The following RGS6 variants were observed in gnomAD, a reference collection of about 807,000 sequenced individuals.
RGS6 encodes regulator of G protein signaling 6, also known as regulator of G-protein signaling 6.
Under a neutral mutation model 78.5 loss-of-function variants are expected in RGS6, and 30 were observed. The observed-to-expected ratio is 0.38, with a 90% confidence interval of 0.29 to 0.52. The LOEUF (loss-of-function observed/expected upper bound fraction) is 0.52, where lower values mean the gene tolerates loss of function less well. RGS6 is among the 20% of genes least tolerant of loss of function. The pLI is 0.85. For synonymous variants in RGS6, 206 were observed against 206.0 expected, an observed-to-expected ratio of 1.00 and a Z score of 0.00; for missense variants, 495 against 609.7, an observed-to-expected ratio of 0.81 and a Z score of 1.98.
intron 2 of RGS6, among the ~76,000 whole-genome samples, chr14:72,101,127 G>A (rs8003328): frequency 0.8 from 121,820 of 152,116 alleles, 49,146 homozygotes; most frequent in Admixed American, 0.84. Flanking sequence ...GCAGTGAGCC[G>A]TGATTATGCT....
At chr14:72,468,764 CTGTGTCACAGTTGAT>C (rs1415494775) in intron 7 of RGS6, among the ~76,000 whole-genome samples, 1 of 152,132 alleles carries the variant, frequency 6.6e-6, no homozygotes, top group Non-Finnish European at 1.5e-5. Context: ...TATGCTATGA[CTGTGTCACAGTTGAT>C]TGACATTTAG....
At chr14:71,979,645 C>A (rs1402133017) in intron 2 of RGS6, among the ~76,000 whole-genome samples, 1 of 152,058 alleles carries the variant, frequency 6.6e-6, no homozygotes, top group Non-Finnish European at 1.5e-5. Flanking sequence ...GTTATAATTT[C>A]TGTTCTTTTA....
chr14:72,500,379 A>T (rs1157155150), intron 13 of RGS6, among the ~76,000 whole-genome samples: 2 of 152,220 alleles, frequency 1.3e-5, no homozygotes, highest in Non-Finnish European at 2.9e-5. Flanking sequence ...TGATGTTAGG[A>T]AAAAACAGGG....
intron 2 of RGS6, among the ~76,000 whole-genome samples, chr14:72,130,581 T>C (rs1420084260): frequency 6.6e-5 from 10 of 152,120 alleles, no homozygotes; most frequent in Admixed American, 6.5e-4. Flanking sequence ...TTTCAAATGG[T>C]TTTTGAAGCT....
At chr14:72,255,612 A>G (rs944217741) in intron 2 of RGS6, among the ~76,000 whole-genome samples, 4 of 152,304 alleles carry the variant, frequency 2.6e-5, no homozygotes, top group Admixed American at 1.3e-4. Context: ...TACCTCAGGC[A>G]GGCTTAAAAT....
At chr14:72,315,898 A>AC (rs1377049678) in intron 2 of RGS6, among the ~76,000 whole-genome samples, 20 of 152,162 alleles carry the variant, frequency 1.3e-4, no homozygotes, top group Non-Finnish European at 2.1e-4. Flanking sequence ...CTCTTGTTCC[A>AC]CCCCCACTCT....
intron 2 of RGS6, among the ~76,000 whole-genome samples, chr14:72,066,827 A>G (rs1448539252): frequency 9.1e-6 from 1 of 110,092 alleles, no homozygotes; most frequent in Non-Finnish European, 1.9e-5. Context: ...TTTTTTTTGT[A>G]AAGATCACAA....
chr14:72,365,379 A>G (rs1189986380), intron 3 of RGS6, among the ~76,000 whole-genome samples: 1 of 152,222 alleles, frequency 6.6e-6, no homozygotes, highest in Non-Finnish European at 1.5e-5. Context: ...GGTGACATAG[A>G]AGGGAACCAT....
intron 3 of RGS6, among the ~76,000 whole-genome samples, chr14:72,434,076 C>T (rs1456534538): frequency 6.6e-6 from 1 of 152,248 alleles, no homozygotes; most frequent in Non-Finnish European, 1.5e-5. Context: ...TGACTGACAT[C>T]TGTCATCCCC....
At chr14:71,887,204 C>T in the RGS6 span, among the ~76,000 whole-genome samples, 3 of 152,260 alleles carry the variant, frequency 2.0e-5, no homozygotes, top group Admixed American at 1.3e-4. Context: ...TTTCTTAATC[C>T]TGTTATCTTT....
intron 2 of RGS6, among the ~76,000 whole-genome samples, chr14:71,987,046 T>C (rs2094743644): frequency 6.6e-6 from 1 of 152,200 alleles, no homozygotes; most frequent in African/African-American, 2.4e-5. Flanking sequence ...CAGAGTCTCT[T>C]TTGCCAAGTC....
intron 17 of RGS6, among the ~76,000 whole-genome samples, chr14:72,551,550 G>T (rs2097507019): frequency 6.6e-6 from 1 of 152,214 alleles, no homozygotes; most frequent in South Asian, 2.1e-4. Flanking sequence ...AAGGTGGCCT[G>T]CTCGTGTGAC....
intron 3 of RGS6, among the ~76,000 whole-genome samples, chr14:72,434,949 C>T (rs948868746): frequency 2.0e-5 from 3 of 152,168 alleles, no homozygotes; most frequent in Non-Finnish European, 4.4e-5. Context: ...TTGCTCATGA[C>T]CTGACTTTAA....
chr14:72,627,374 C>A, the RGS6 span, among the ~76,000 whole-genome samples: 3 of 152,040 alleles, frequency 2.0e-5, no homozygotes, highest in African/African-American at 7.2e-5. Flanking sequence ...CAAATGGCTA[C>A]CCCATTGTCC....
intron 17 of RGS6, among the ~76,000 whole-genome samples, chr14:72,557,569 C>G (rs2097598695): frequency 1.3e-5 from 2 of 152,144 alleles, no homozygotes; most frequent in Non-Finnish European, 2.9e-5. Flanking sequence ...CCCAACCCCA[C>G]CCCAGGCCTC....
intron 3 of RGS6, among the ~76,000 whole-genome samples, chr14:72,439,026 G>C (rs745904122): frequency 6.6e-6 from 1 of 152,160 alleles, no homozygotes; most frequent in African/African-American, 2.4e-5. Context: ...AGAGTCACAC[G>C]ACCATCTCCT....
chr14:72,263,580 CT>C (rs2058547608), intron 2 of RGS6, among the ~76,000 whole-genome samples: 1 of 152,310 alleles, frequency 6.6e-6, no homozygotes, highest in South Asian at 2.1e-4. Flanking sequence ...GAAAGTAGGT[CT>C]TTTGGGAGCT....
At chr14:72,426,369 T>C (rs2094434485) in intron 3 of RGS6, among the ~76,000 whole-genome samples, 1 of 152,328 alleles carries the variant, frequency 6.6e-6, no homozygotes, top group Non-Finnish European at 1.5e-5. Flanking sequence ...TGCTTCTTCC[T>C]CTATCATAGA....
chr14:71,953,124 C>G (rs1448864531), intron 1 of RGS6, among the ~76,000 whole-genome samples: 1 of 152,056 alleles, frequency 6.6e-6, no homozygotes, highest in Non-Finnish European at 1.5e-5. Context: ...AAATATAAGC[C>G]CTCTCATGTG....
Sources: allele counts gnomAD v4.1 joint callset (sites outside exome capture counted in the v4.1 genomes callset), GRCh38; gene constraint gnomAD v4.1.1; transcripts MANE v1.5; gene names NCBI Gene and HGNC (gene_info 2026-07-23, HGNC 2026-07-21).